Variants in NRP1 observed in about 807,000 individuals in gnomAD.
NRP1 encodes neuropilin 1.
NRP1 carries 35 observed loss-of-function variants against 106.7 expected under a neutral mutation model. That is an observed-to-expected ratio of 0.33 (90% confidence interval 0.25 to 0.43). The LOEUF (loss-of-function observed/expected upper bound fraction) is 0.43. Ranked by LOEUF, NRP1 falls within the 20% of genes least tolerant of loss-of-function variation. The probability of loss-of-function intolerance (pLI) is 1.00; values close to 1 mark genes in which losing one functional copy is unlikely to be tolerated. For missense variants in NRP1, 1,024 were observed against 1,170.4 expected (o/e 0.87, Z 1.83); for synonymous variants, 437 against 417.9 (o/e 1.05, Z -0.56).
In NRP1 at chr10:33,270,740, T is replaced by G. The variant is rs753645404; in HGVS notation, c.365A>C (p.Lys122Thr). The change falls in exon 3 of 17, where the codon AAA (lysine) becomes ACA (threonine). Residue 122 changes from lysine (K) to threonine (T), a missense_variant. Lys to Thr is a moderately conservative substitution (Grantham distance 78). Around this residue, in one of 5 missense-constraint regions of NRP1, gnomAD observed 279 missense variants for 327.4 expected, o/e 0.85. Coordinates refer to ENST00000374867, the MANE Select transcript of NRP1 (RefSeq NM_003873.7). ...ATGTGTTTCGTAGTCAGAGACAAAT[T>G]TGATAAAAAGAAATGGCCCTGAAGA... ...VVSSGPFLFI[K>T]FVSDYETHGA... 9 of 1,613,968 alleles carry G rather than the reference T, an allele frequency of 5.6e-6. No homozygotes were observed. The highest frequency in any genetic ancestry group is 4.5e-5 in the East Asian group (2 of 44,894).
intron 12 of NRP1, among the ~76,000 whole-genome samples, chr10:33,193,086 G>A (rs1490613900): frequency 6.6e-6 from 1 of 151,474 alleles, no homozygotes; most frequent in Non-Finnish European, 1.5e-5. Flanking sequence ...CTCAATGTAA[G>A]GTCATCTAAA....
At chr10:33,318,228 C>T (rs1847176803) in intron 2 of NRP1, among the ~76,000 whole-genome samples, 1 of 152,150 alleles carries the variant, frequency 6.6e-6, no homozygotes, top group East Asian at 1.9e-4. Flanking sequence ...TCACATCTTC[C>T]TGGGCTGTAC....
At chr10:33,194,590 T>A (rs1405856665) in intron 12 of NRP1, 1 of 380,260 alleles carries the variant, frequency 2.6e-6, no homozygotes, top group East Asian at 7.3e-5. Context: ...CCTTCCAATG[T>A]CCTTCCCCAT....
At chr10:33,256,166 C>T in intron 5 of NRP1, 150 bp downstream of exon 5, 1 of 725,268 alleles carries the variant, frequency 1.4e-6, no homozygotes, top group Non-Finnish European at 2.3e-6. Context: ...CCTATTGATA[C>T]TCATAAAAAA....
intron 2 of NRP1, among the ~76,000 whole-genome samples, chr10:33,307,005 G>A (rs1007442731): frequency 6.6e-6 from 1 of 152,194 alleles, no homozygotes; most frequent in Non-Finnish European, 1.5e-5. Context: ...CTAACTTTAT[G>A]GACTTTTCCA....
chr10:33,222,085 TAG>T (rs138769236), intron 7 of NRP1, among the ~76,000 whole-genome samples: 4,055 of 152,296 alleles, frequency 0.027, 77 homozygotes, highest in African/African-American at 0.057. Flanking sequence ...TCTGAGAGGC[TAG>T]AGTCTTTAAA....
At chr10:33,230,172 A>G (rs893611750) in intron 6 of NRP1, among the ~76,000 whole-genome samples, 1 of 152,180 alleles carries the variant, frequency 6.6e-6, no homozygotes, top group African/African-American at 2.4e-5. Context: ...GGAATTCTCA[A>G]CAAGGATCTG....
chr10:33,217,812 G>A (rs1031782602), intron 8 of NRP1, among the ~76,000 whole-genome samples: 2 of 152,154 alleles, frequency 1.3e-5, no homozygotes, highest in Non-Finnish European at 2.9e-5. Flanking sequence ...AGGGAGAAAT[G>A]AGTTTTGTAA....
intron 6 of NRP1, among the ~76,000 whole-genome samples, chr10:33,250,423 G>C (rs1449884225): frequency 9.2e-5 from 14 of 152,206 alleles, no homozygotes. Context: ...AGGTGAACCT[G>C]AAGCTAAGCT....
At chr10:33,260,985 C>CA (rs35665366) in intron 4 of NRP1, among the ~76,000 whole-genome samples, 1,983 of 60,032 alleles carry the variant, frequency 0.033, 208 homozygotes, top group East Asian at 0.069. Context: ...TGCCATTGAC[C>CA]AAAAAAAAAA....
intron 2 of NRP1, among the ~76,000 whole-genome samples, chr10:33,274,865 C>A (rs1168489441): frequency 2.0e-5 from 3 of 152,066 alleles, no homozygotes; most frequent in Non-Finnish European, 4.4e-5. Context: ...ATGATGTTGG[C>A]GAACACAATT....
In NRP1 at chr10:33,179,796, T is replaced by G. The variant is rs1588672581; in HGVS notation, c.*280A>C. 2.9e-5 allele frequency: 11 copies of G among 373,844 alleles called. No homozygotes were observed. The highest frequency in any genetic ancestry group is 4.8e-5 in the East Asian group (1 of 21,048). The allele number at this position is 373,844 out of a possible 1,614,324, so 23.2% of individuals were successfully genotyped here. On this transcript the variant is annotated 3_prime_UTR_variant, in exon 17 of 17. Transcript: ENST00000374867. The stretch of plus-strand genomic sequence containing the variant: ...GAGAGAGAGAGAGGGGCAGGAGGGG[T>G]CGAAATGAATGATTATGTCAATCAT...
At chr10:33,331,570 C>T (rs1848287864) in intron 1 of NRP1, among the ~76,000 whole-genome samples, 1 of 152,186 alleles carries the variant, frequency 6.6e-6, no homozygotes, top group Non-Finnish European at 1.5e-5. Context: ...AGTAAATAGC[C>T]ACATGGCATT....
rs191961323 is a variant in NRP1 at position 33,317,333 on chromosome 10, G to C, written c.248+13375C>G. Reference sequence around the variant, plus strand: ...ACATGCTCTTTGGTGTTGCCACTAAGAACCAACTCCCCTCCCTACTACTGG... The same window carrying C: ...ACATGCTCTTTGGTGTTGCCACTAACAACCAACTCCCCTCCCTACTACTGG... On this transcript the variant is annotated intron_variant, in intron 2 of 16. Transcript: ENST00000374867. Among the ~76,000 whole-genome samples the C allele has an allele frequency of 4.6e-5, 7 of 152,288 alleles. No homozygotes were observed. In the East Asian group the frequency reaches 1.2e-3, roughly 25 times the overall value.
At chr10:33,231,385 C>T (rs1840114931) in intron 6 of NRP1, among the ~76,000 whole-genome samples, 1 of 152,148 alleles carries the variant, frequency 6.6e-6, no homozygotes, top group South Asian at 2.1e-4. Flanking sequence ...AAATAATTAC[C>T]AATCATAGCC....
intron 7 of NRP1, 143 bp downstream of exon 7, chr10:33,225,991 G>T: frequency 1.1e-6 from 1 of 901,856 alleles, no homozygotes; most frequent in Non-Finnish European, 1.7e-6. Flanking sequence ...CCCTTGGTTA[G>T]ATTTAAACCT....
rs577020617 is a variant in NRP1, at chr10:33,254,152, A to C, written c.857T>G (p.Ile286Ser). ...AGAAGCTGTGATCTGGTCAGAATGA[A>C]TTTCTCCTGATTCCATGCCCAGAGC... ...MEALGMESGE[I>S]HSDQITASSQ... The change falls in exon 6 of 17, where the codon ATT (isoleucine) becomes AGT (serine). Residue 286 changes from isoleucine to serine, a missense_variant. By Grantham distance (142) the Ile-to-Ser change is moderately radical. Transcript: ENST00000374867. The C allele has an allele frequency of 1.4e-5, 22 of 1,613,434 alleles. No individual in the cohort carries two copies. In the South Asian group the frequency reaches 1.8e-4, roughly 13 times the overall value.
At chr10:33,185,433 G>T (rs1835937592) in intron 15 of NRP1, among the ~76,000 whole-genome samples, 195 bp downstream of exon 15, 1 of 152,152 alleles carries the variant, frequency 6.6e-6, no homozygotes, top group South Asian at 2.1e-4. Flanking sequence ...AAGGACCTAG[G>T]GTAGGTGACG....
chr10:33,188,331 A>G (rs966329194), intron 13 of NRP1, among the ~76,000 whole-genome samples: 1 of 152,122 alleles, frequency 6.6e-6, no homozygotes, highest in Non-Finnish European at 1.5e-5. Context: ...AGGTAGAGGG[A>G]TGCTCTCCCA....
Sources: allele counts gnomAD v4.1 joint callset (sites outside exome capture counted in the v4.1 genomes callset), GRCh38; gene constraint gnomAD v4.1.1; regional missense constraint gnomAD v4.1.1; transcripts MANE v1.5; gene names NCBI Gene and HGNC (gene_info 2026-07-23, HGNC 2026-07-21).